The following KRT10 variants were observed in gnomAD, a reference collection of about 807,000 sequenced individuals.
KRT10 encodes the protein keratin 10.
Under a neutral mutation model 59.2 loss-of-function variants are expected in KRT10, and 40 were observed. That is an observed-to-expected ratio of 0.68 (90% CI 0.52 to 0.88). The LOEUF (loss-of-function observed/expected upper bound fraction) is 0.88. Among genes scored for constraint, KRT10 ranks in the 40% least tolerant of loss-of-function variants. The pLI, the probability that KRT10 is intolerant of heterozygous loss-of-function variation, is 0.00. For missense variants in KRT10, 719 were observed against 749.1 expected, an observed-to-expected ratio of 0.96 and a Z score of 0.47; for synonymous variants, 336 against 310.7, an observed-to-expected ratio of 1.08 and a Z score of -0.86.
chr17:40,819,437 C>T, intron 6 of KRT10, 80 bp downstream of exon 6: 21 of 1,405,898 alleles, frequency 1.5e-5, no homozygotes, highest in Non-Finnish European at 2.1e-5. Context: ...TCTCTGGCAT[C>T]TTCTTGGGGT....
In KRT10 at chr17:40,818,368, G is replaced by C. The variant is rs983042114; in HGVS notation, c.*108C>G. On this transcript the variant is annotated 3_prime_UTR_variant, in exon 8 of 8. Transcript: ENST00000269576. ...GTGTGAAGGGAGACTCTTTCCTCTT[G>C]ATGCAGTTTAATAGTAGTGTTTCTT... The C allele has an allele frequency of 8.6e-6, 13 of 1,503,000 alleles. No individual in the cohort carries two copies. The highest frequency in any genetic ancestry group is 3.4e-4 in the Middle Eastern group (2 of 5,896). 93.1% of individuals were successfully genotyped at this position (1,503,000 alleles called of 1,614,324 possible).
In KRT10 at chr17:40,820,406, T is replaced by A; in HGVS notation, c.885A>T (p.Arg295=). The change falls in exon 4 of 8, where the codon CGA becomes CGT. Residue 295 remains arginine, a synonymous_variant. Transcript: ENST00000269576. ...CATTCACATCACCAGTGGACACATT[T>A]CGAAGGTCTTTCATTTCCTGTTTGA... The part of the protein sequence containing the change: ...KNHEEEMKDL[R]NVSTGDVNVE... 1 of 1,614,258 alleles carries A rather than the reference T, an allele frequency of 6.2e-7. No individual in the cohort carries two copies. The highest frequency in any genetic ancestry group is 1.1e-5 in the South Asian group (1 of 91,088).
In KRT10 at chr17:40,819,047, G is replaced by T; in HGVS notation, c.1488C>A (p.Gly496=). 6 of 1,347,848 alleles carry T rather than the reference G, an allele frequency of 4.5e-6. No individual in the cohort carries two copies. The highest frequency in any genetic ancestry group is 2.7e-5 in the Admixed American group (1 of 36,566). The allele number at this position is 1,347,848 out of a possible 1,614,324, so 83.5% of individuals were successfully genotyped here. ...CGGAGCTTCCGCCTCCGTAGCCGCC[G>T]CCGGAACTGCCGCCGTGGCCGCCGC... The part of the protein sequence containing the change: ...GHGGGHGGSS[G]GGYGGGSSGG... The change falls in exon 7 of 8, where the codon GGC becomes GGA. Residue 496 remains glycine (G), a synonymous_variant. Coordinates refer to ENST00000269576, the MANE Select transcript of KRT10 (RefSeq NM_000421.5).
chr17:40,821,023 C>T lies in KRT10; in HGVS notation c.710+12G>A. ...CGTTGTGATAGTATTATACAACGAT[C>T]ACTTAACTTACTTCAGCCTGAAGTC... is the stretch of plus-strand genomic sequence containing the variant. On this transcript the variant is annotated intron_variant, in intron 2 of 7. Coordinates refer to ENST00000269576, the MANE Select transcript of KRT10 (RefSeq NM_000421.5). 1 of 1,595,638 alleles carries T rather than the reference C, an allele frequency of 6.3e-7. No homozygotes were observed. Among genetic ancestry groups the T allele is most frequent in the Non-Finnish European group, 8.6e-7 (1 of 1,163,256 alleles).
In KRT10 at chr17:40,818,509, T is replaced by G. The variant is rs1335877886; in HGVS notation, c.1749-27A>C. On this transcript the variant is annotated intron_variant, in intron 7 of 7. Coordinates refer to ENST00000269576, the MANE Select transcript of KRT10 (RefSeq NM_000421.5). Reference sequence around the variant, plus strand: ...TGTGTGAATGATGGAAAAAAAATTTTAAACAGTCTGTAGGGATCCTTAGTA... The same window carrying G: ...TGTGTGAATGATGGAAAAAAAATTTGAAACAGTCTGTAGGGATCCTTAGTA... The G allele has an allele frequency of 7.5e-6, 11 of 1,466,756 alleles. No homozygotes were observed. In the South Asian group the frequency reaches 1.2e-4, roughly 17 times the overall value. 90.9% of individuals were successfully genotyped at this position (1,466,756 alleles called of 1,614,324 possible).
chr17:40,820,491 A>G lies in KRT10; in HGVS notation c.867+20T>C, dbSNP rs1905311501. The G allele has an allele frequency of 2.5e-6, 4 of 1,614,068 alleles. No individual in the cohort carries two copies. Among genetic ancestry groups the G allele is most frequent in the Non-Finnish European group, 3.4e-6 (4 of 1,180,012 alleles). The stretch of plus-strand genomic sequence containing the variant: ...TAATGAACTCTCTTTTGGCTGGGAA[A>G]AGTATAACTTTTGTGTCACCTCCTC... On this transcript the variant is annotated intron_variant, in intron 3 of 7. Coordinates refer to ENST00000269576, the MANE Select transcript of KRT10 (RefSeq NM_000421.5).
intron 7 of KRT10, 23 bp from the exon 8 acceptor site, chr17:40,818,505 A>T (rs780087601): frequency 2.2e-5 from 33 of 1,491,144 alleles, no homozygotes; most frequent in Non-Finnish European, 2.9e-5. Flanking sequence ...TGGAAAAAAA[A>T]TTTTAAACAG....
At chr17:40,819,900 A>G (rs1216468557) in intron 5 of KRT10, 149 bp downstream of exon 5, 1 of 1,098,056 alleles carries the variant, frequency 9.1e-7, no homozygotes, top group East Asian at 2.4e-5. Flanking sequence ...GATCAACACT[A>G]GTAGTACTTT....
At chr17:40,821,787 G>T (rs931960682) in intron 1 of KRT10, among the ~76,000 whole-genome samples, 172 bp downstream of exon 1, 6 of 152,124 alleles carry the variant, frequency 3.9e-5, no homozygotes, top group African/African-American at 1.4e-4. Flanking sequence ...GATGAAGATT[G>T]CCATGACCAT....
chr17:40,819,170 G>T lies in KRT10; in HGVS notation c.1374-9C>A. On this transcript the variant is annotated splice_polypyrimidine_tract_variant and intron_variant, in intron 6 of 7. Transcript: ENST00000269576. ...GTCCGCCGCCTCCGGAACTAAACGG[G>T]GTGAGGTCACATTCGGTTATCTCTA... The T allele has an allele frequency of 6.3e-7, 1 of 1,588,064 alleles. No individual in the cohort carries two copies. The highest frequency in any genetic ancestry group is 1.1e-5 in the South Asian group (1 of 90,108).
In KRT10 at chr17:40,821,948, ATACC is replaced by A. The variant is rs1905412915; in HGVS notation, c.627+7_627+10del. ...AAGATACTTAAAGCTGGATTTAAAA[ATACC>A]TCTTACCTGATTTTTAAGGTCATCG... is the stretch of plus-strand genomic sequence containing the variant. On this transcript the variant is annotated splice_region_variant and intron_variant, in intron 1 of 7. Coordinates refer to ENST00000269576, the MANE Select transcript of KRT10 (RefSeq NM_000421.5). The A allele has an allele frequency of 6.2e-7, 1 of 1,613,842 alleles. No homozygotes were observed. The highest frequency in any genetic ancestry group is 1.1e-5 in the South Asian group (1 of 91,078).
chr17:40,821,907 T>C, intron 1 of KRT10, 52 bp downstream of exon 1: 3 of 1,579,156 alleles, frequency 1.9e-6, no homozygotes, highest in Non-Finnish European at 2.6e-6. Flanking sequence ...GATTCATCTG[T>C]CTGGATTACA....
At chr17:40,819,789 A>G in intron 5 of KRT10, 55 bp from the exon 6 acceptor site, 2 of 1,431,984 alleles carry the variant, frequency 1.4e-6, no homozygotes, top group Non-Finnish European at 2.0e-6. Context: ...GAGTATGGTG[A>G]CGCTTATTTG....
In KRT10 at chr17:40,818,931, G is replaced by T; in HGVS notation, c.1604C>A (p.Ser535Tyr). ...SSSGGYGGGS[S>Y]GGGGGGYGGG... ...CCCGTAGCCGCCGCCGCCGCCGCCG[G>T]AACTGCCACCACCGTAGCCGCCGCT... The change falls in exon 7 of 8, where the codon TCC (serine) becomes TAC (tyrosine). Residue 535 changes from serine (S) to tyrosine (Y), a missense_variant. Around this residue, in one of 4 missense-constraint regions of KRT10, gnomAD observed 315 missense variants for 270.6 expected, o/e 1.16. Coordinates refer to ENST00000269576, the MANE Select transcript of KRT10 (RefSeq NM_000421.5). 1 of 1,231,338 alleles carries T rather than the reference G, an allele frequency of 8.1e-7. No homozygotes were observed. The allele number at this position is 1,231,338 out of a possible 1,614,324, so 76.3% of individuals were successfully genotyped here. A position where few individuals can be genotyped will look rare whatever the true frequency, so the allele number is the denominator to read the frequency against.
chr17:40,822,210 C>T lies in KRT10; in HGVS notation c.376G>A (p.Gly126Ser), dbSNP rs77919366. 0.22 allele frequency: 352,177 copies of T among 1,612,988 alleles called. 40,709 individuals carry two copies. The highest frequency in any genetic ancestry group is 0.24 in the Non-Finnish European group (281,267 of 1,179,518). The change falls in exon 1 of 8, where the codon GGC (glycine) becomes AGC (serine). Residue 126 changes from glycine to serine, a missense_variant. Gly to Ser is a moderately conservative substitution (Grantham distance 56). Transcript: ENST00000269576. The stretch of plus-strand genomic sequence containing the variant: ...CCACCACCAAAGCCTCCTCCAAAGC[C>T]GCCTCCACCAAAGCCGCCTCCACCA... ...SFGGGGFGGG[G>S]FGGGFGGGFG...
At position 40,820,385 on chromosome 17, in the gene KRT10, C is replaced by A. The variant is rs145899611; in HGVS notation, c.906G>T (p.Val302=). Residue 302 remains valine, a synonymous_variant, in exon 4 of 8, where the codon GTG becomes GTT. Transcript: ENST00000269576. ...CCGGGGCAGCATTCATTTCCACATT[C>A]ACATCACCAGTGGACACATTTCGAA... ...KDLRNVSTGD[V]NVEMNAAPGV... The A allele has an allele frequency of 1.2e-6, 2 of 1,614,242 alleles. No homozygotes were observed. Among genetic ancestry groups the A allele is most frequent in the Non-Finnish European group, 1.7e-6 (2 of 1,180,048 alleles).
rs1411137735 is a variant in KRT10, at chr17:40,821,474, A to G, written c.628-357T>C. On this transcript the variant is annotated intron_variant, in intron 1 of 7. Coordinates refer to ENST00000269576, the MANE Select transcript of KRT10 (RefSeq NM_000421.5). ...TGCATTTGTTTAACTCATGATAAAT[A>G]CTAATAAATAAATACACTCTGAACT... 1.1e-4 allele frequency among the ~76,000 whole-genome samples: 17 copies of G among 152,228 alleles called. 1 individual carries two copies. The highest frequency in any genetic ancestry group is 9.8e-4 in the Admixed American group (15 of 15,286).
chr17:40,818,559 G>A, intron 7 of KRT10, 77 bp from the exon 8 acceptor site: 1 of 1,280,366 alleles, frequency 7.8e-7, no homozygotes, highest in Non-Finnish European at 1.1e-6. Flanking sequence ...ATTGTAAAAA[G>A]AAGGAAATTT....
Position 40,819,076 on chromosome 17 carries a change from G to GCCGCCGCCGTA in KRT10, c.1458_1459insTACGGCGGCGG (p.His487TyrfsTer136). 1.5e-6 allele frequency: 2 copies of GCCGCCGCCGTA among 1,330,604 alleles called. No individual in the cohort carries two copies. Among genetic ancestry groups the GCCGCCGCCGTA allele is most frequent in the South Asian group, 1.5e-5 (1 of 68,302 alleles). 82.4% of individuals were successfully genotyped at this position (1,330,604 alleles called of 1,614,324 possible). ...GAACTGCCGCCGTGGCCGCCGCCGT[G>GCCGCCGCCGTA]GCCGCCGCCGGAGCTTCCGCCGCCG... On this transcript the variant is annotated frameshift_variant, in exon 7 of 8. Coordinates refer to ENST00000269576, the MANE Select transcript of KRT10 (RefSeq NM_000421.5). LOFTEE classifies it high-confidence loss of function.
Sources: gnomAD v4.1 joint callset for allele counts (sites outside exome capture counted in the v4.1 genomes callset) on GRCh38, gnomAD v4.1.1 for gene constraint, gnomAD v4.1.1 regional missense constraint, MANE v1.5 for transcripts, NCBI Gene and HGNC (gene_info 2026-07-23, HGNC 2026-07-21) for gene names.